The following XRCC1 variants were observed in gnomAD, a reference collection of about 807,000 sequenced individuals.
XRCC1 encodes X-ray repair cross complementing 1.
In XRCC1, 52 loss-of-function variants were observed where a neutral mutation model predicts 83.3. The ratio of observed to expected loss-of-function variants is 0.62; its 90% CI spans 0.50 to 0.79. The LOEUF (loss-of-function observed/expected upper bound fraction) is 0.79. Among genes scored for constraint, XRCC1 ranks in the 30% least tolerant of loss-of-function variants. XRCC1 has a pLI of 0.00. For synonymous variants in XRCC1, 281 were observed against 312.6 expected (o/e 0.90, Z 1.07); for missense variants, 793 against 823.5 (o/e 0.96, Z 0.45).
At chr19:43,544,504 C>T (rs1972488965) in intron 14 of XRCC1, among the ~76,000 whole-genome samples, 1 of 151,860 alleles carries the variant, frequency 6.6e-6, no homozygotes, top group Admixed American at 6.6e-5. Context: ...ACTTACCTCT[C>T]TCTCTCTCTT....
chr19:43,564,913 A>G (rs1006052965), intron 2 of XRCC1, among the ~76,000 whole-genome samples: 4 of 152,146 alleles, frequency 2.6e-5, no homozygotes, highest in African/African-American at 9.7e-5. Context: ...TTCCGGGAGC[A>G]CTAGAGGAGA....
At chr19:43,544,294 C>T in intron 14 of XRCC1, 60 bp from the exon 15 acceptor site, 2 of 1,466,620 alleles carry the variant, frequency 1.4e-6, no homozygotes, top group Non-Finnish European at 1.9e-6. Context: ...AGGCACCAAA[C>T]AGGAGTGACG....
At position 43,545,853 on chromosome 19, in the gene XRCC1, T is replaced by C; in HGVS notation, c.1586A>G (p.Gln529Arg). The stretch of plus-strand genomic sequence containing the variant: ...AGGGACTGGCAGATCAGGAGGCTCC[T>C]GGTGTTCCTCACTGTCCGTGTTCTC... ...TDENTDSEEH[Q>R]EPPDLPVPEL... Residue 529 changes from glutamine (Q) to arginine (R), a missense_variant, in exon 14 of 17, where the codon CAG (glutamine) becomes CGG (arginine). Transcript: ENST00000262887. 6.2e-7 allele frequency: 1 copy of C among 1,613,912 alleles called. No individual in the cohort carries two copies. The highest frequency in any genetic ancestry group is 8.5e-7 in the Non-Finnish European group (1 of 1,179,864).
chr19:43,555,249 G>A, intron 3 of XRCC1: 1 of 153,536 alleles, frequency 6.5e-6, no homozygotes, highest in Non-Finnish European at 1.5e-5. Context: ...TAAGTATTAA[G>A]TGATTGTTTC....
At chr19:43,560,117 G>A (rs1217307022) in intron 3 of XRCC1, among the ~76,000 whole-genome samples, 5 of 152,012 alleles carry the variant, frequency 3.3e-5, no homozygotes, top group East Asian at 3.9e-4. Flanking sequence ...AAGGCCAGGC[G>A]CAGTGGCTCA....
intron 2 of XRCC1, among the ~76,000 whole-genome samples, chr19:43,571,600 C>T (rs1167022080): frequency 6.6e-6 from 1 of 152,238 alleles, no homozygotes; most frequent in Non-Finnish European, 1.5e-5. Flanking sequence ...ATCTTCCAGG[C>T]TCAAGTGATC....
chr19:43,549,879 GTT>G (rs765987716), intron 10 of XRCC1, among the ~76,000 whole-genome samples: 1 of 152,090 alleles, frequency 6.6e-6, no homozygotes, highest in Non-Finnish European at 1.5e-5. Context: ...ATCCAACACT[GTT>G]TGTCTTTTTC....
chr19:43,555,949 G>A (rs1320596488), intron 3 of XRCC1, among the ~76,000 whole-genome samples: 1 of 152,124 alleles, frequency 6.6e-6, no homozygotes, highest in Non-Finnish European at 1.5e-5. Flanking sequence ...GAGCACAGTG[G>A]TGCGATCATA....
chr19:43,553,323 C>G, intron 6 of XRCC1, 78 bp downstream of exon 6: 1 of 1,513,150 alleles, frequency 6.6e-7, no homozygotes, highest in Non-Finnish European at 9.1e-7. Context: ...GAATCTGAGC[C>G]CCAGCCCCCT....
intron 10 of XRCC1, among the ~76,000 whole-genome samples, chr19:43,550,506 C>A (rs1437242822): frequency 6.6e-6 from 1 of 152,098 alleles, no homozygotes; most frequent in Non-Finnish European, 1.5e-5. Flanking sequence ...CGCTATCCCC[C>A]AAGGCAAATA....
chr19:43,560,380 A>G (rs754830997), intron 3 of XRCC1, among the ~76,000 whole-genome samples: 2 of 151,756 alleles, frequency 1.3e-5, no homozygotes, highest in Non-Finnish European at 1.5e-5. Context: ...AGCCTGGGCG[A>G]CAGAGCGAGA....
chr19:43,553,265 T>C, intron 6 of XRCC1, 136 bp downstream of exon 6: 1 of 1,187,634 alleles, frequency 8.4e-7, no homozygotes, highest in Non-Finnish European at 1.2e-6. Context: ...TCCTCCACCC[T>C]GAGACCCAGG....
Position 43,544,247 on chromosome 19 carries a change from AGGG to A in XRCC1, c.1622-16_1622-14del. 1 of 1,598,748 alleles carries A rather than the reference AGGG, an allele frequency of 6.3e-7. No individual in the cohort carries two copies. Among genetic ancestry groups the A allele is most frequent in the Non-Finnish European group, 8.5e-7 (1 of 1,172,038 alleles). On this transcript the variant is annotated splice_polypyrimidine_tract_variant and intron_variant, in intron 14 of 16. Transcript: ENST00000262887. ...CCCTGGAAGAAATCTGCAGGAGAGA[AGGG>A]GGCTAAGGTAAGCATGAGGCCCCAG...
At chr19:43,547,513 C>T (rs1972525316) in intron 10 of XRCC1, among the ~76,000 whole-genome samples, 1 of 146,320 alleles carries the variant, frequency 6.8e-6, no homozygotes, top group Non-Finnish European at 1.5e-5. Flanking sequence ...CAAGATCTCA[C>T]TCTGTCACCC....
At chr19:43,555,823 G>A (rs868434422) in intron 3 of XRCC1, among the ~76,000 whole-genome samples, 4 of 152,238 alleles carry the variant, frequency 2.6e-5, no homozygotes, top group East Asian at 3.9e-4. Context: ...TGACTGACCC[G>A]GCAGCACTCA....
chr19:43,544,683 T>A (rs1972490827), intron 14 of XRCC1, among the ~76,000 whole-genome samples: 1 of 152,146 alleles, frequency 6.6e-6, no homozygotes, highest in Admixed American at 6.6e-5. Flanking sequence ...ATTTTTAAAC[T>A]TTTTGTAGAG....
At chr19:43,553,124 G>C in intron 6 of XRCC1, 33 bp from the exon 7 acceptor site, 7 of 1,544,754 alleles carry the variant, frequency 4.5e-6, no homozygotes, top group Non-Finnish European at 6.1e-6. Context: ...CAGGATGAGA[G>C]GGCTGAGCCC....
chr19:43,559,479 C>CAAAAAA (rs58121949), intron 3 of XRCC1, among the ~76,000 whole-genome samples: 32 of 56,502 alleles, frequency 5.7e-4, no homozygotes, highest in Middle Eastern at 0.015. Flanking sequence ...GACTCCATCT[C>CAAAAAA]AAAAAAAAAA....
intron 9 of XRCC1, 135 bp downstream of exon 9, chr19:43,551,882 T>C: frequency 8.8e-7 from 1 of 1,130,302 alleles, no homozygotes. Context: ...GGCTACAGAA[T>C]GCAGTGAGAA....
Sources: gnomAD v4.1 joint callset for allele counts (sites outside exome capture counted in the v4.1 genomes callset) on GRCh38, gnomAD v4.1.1 for gene constraint, MANE v1.5 for transcripts, NCBI Gene and HGNC (gene_info 2026-07-23, HGNC 2026-07-21) for gene names.